The following KIFAP3 variants were observed in gnomAD, a reference collection of about 807,000 sequenced individuals.
KIFAP3 encodes the protein kinesin-associated protein 3.
A neutral mutation model predicts 106.5 loss-of-function variants in KIFAP3; 68 were observed. The ratio of observed to expected loss-of-function variants is 0.64; its 90% CI spans 0.53 to 0.78. KIFAP3 has a LOEUF of 0.78. Among genes scored for constraint, KIFAP3 ranks in the 30% least tolerant of loss-of-function variants. The pLI, the probability that KIFAP3 is intolerant of heterozygous loss-of-function variation, is 0.00. For missense variants in KIFAP3, 780 were observed against 941.8 expected, an observed-to-expected ratio of 0.83 and a Z score of 2.25; for synonymous variants, 320 against 311.5, an observed-to-expected ratio of 1.03 and a Z score of -0.29.
At chr1:169,995,821 T>C (rs1667342229) in intron 10 of KIFAP3, among the ~76,000 whole-genome samples, 1 of 151,964 alleles carries the variant, frequency 6.6e-6, no homozygotes, top group Non-Finnish European at 1.5e-5. Flanking sequence ...AAGAAATTCC[T>C]GAACATTGGG....
At chr1:170,076,238 C>T (rs1671907075), upstream of KIFAP3, among the ~76,000 whole-genome samples, 1 of 151,770 alleles carries the variant, frequency 6.6e-6, no homozygotes. Context: ...ACAAAAAAAC[C>T]TAAAGAAAAT....
At chr1:170,031,785 C>T (rs1669423983) in intron 8 of KIFAP3, 101 bp downstream of exon 8, 1 of 675,728 alleles carries the variant, frequency 1.5e-6, no homozygotes, top group South Asian at 2.4e-5. Context: ...GAACTTTCAG[C>T]TATTCTCACA....
chr1:170,017,505 A>G (rs569104858), intron 9 of KIFAP3, among the ~76,000 whole-genome samples: 10 of 152,188 alleles, frequency 6.6e-5, no homozygotes, highest in Non-Finnish European at 1.0e-4. Context: ...TTTAGGAATA[A>G]AAGAGCCTGT....
At chr1:170,030,098 T>C (rs1336486520) in intron 8 of KIFAP3, among the ~76,000 whole-genome samples, 1 of 151,846 alleles carries the variant, frequency 6.6e-6, no homozygotes, top group African/African-American at 2.4e-5. Context: ...ACCAAAACCA[T>C]GATCCAAAAA....
intron 19 of KIFAP3, among the ~76,000 whole-genome samples, chr1:169,934,051 T>G (rs1663647965): frequency 1.3e-5 from 2 of 152,174 alleles, no homozygotes; most frequent in East Asian, 3.8e-4. Context: ...TTTGGTGGTG[T>G]TATTGTTATG....
intron 19 of KIFAP3, 113 bp from the exon 20 acceptor site, chr1:169,921,894 G>C: frequency 1.4e-6 from 1 of 712,802 alleles, no homozygotes; most frequent in Non-Finnish European, 2.3e-6. Flanking sequence ...CAGGGATAGT[G>C]ATTTAGGTGG....
intron 1 of KIFAP3, chr1:170,067,662 A>G (rs74585450): frequency 1.3e-5 from 2 of 152,224 alleles, no homozygotes; most frequent in Non-Finnish European, 2.9e-5. Flanking sequence ...CTTTGAGGTC[A>G]GCTGCAAGGG....
At chr1:170,072,577 T>C (rs866259053) in intron 1 of KIFAP3, among the ~76,000 whole-genome samples, 3 of 152,004 alleles carry the variant, frequency 2.0e-5, no homozygotes, top group Non-Finnish European at 4.4e-5. Context: ...CCAAAACACA[T>C]AGAGATTCAA....
chr1:169,953,936 G>A, intron 19 of KIFAP3, 75 bp downstream of exon 19: 1 of 935,704 alleles, frequency 1.1e-6, no homozygotes, highest in South Asian at 1.3e-5. Flanking sequence ...GAAGAGAAAT[G>A]GAGAGTGAAG....
At chr1:169,980,876 C>A (rs1028772054) in intron 15 of KIFAP3, among the ~76,000 whole-genome samples, 3 of 152,024 alleles carry the variant, frequency 2.0e-5, no homozygotes, top group Admixed American at 6.6e-5. Flanking sequence ...CCGAGGTGGG[C>A]GGATCACCTG....
At chr1:170,036,920 C>T (rs532214241) in intron 5 of KIFAP3, among the ~76,000 whole-genome samples, 32 of 152,264 alleles carry the variant, frequency 2.1e-4, no homozygotes, top group African/African-American at 6.7e-4. Flanking sequence ...ACATTGAATG[C>T]AATCATAATC....
chr1:170,002,827 C>A (rs1466200158), intron 10 of KIFAP3, among the ~76,000 whole-genome samples: 1 of 152,180 alleles, frequency 6.6e-6, no homozygotes, highest in East Asian at 1.9e-4. Context: ...TTAGCAACAT[C>A]TATTGGTAAC....
intron 3 of KIFAP3, among the ~76,000 whole-genome samples, chr1:170,040,342 C>T (rs1669905501): frequency 6.6e-6 from 1 of 152,022 alleles, no homozygotes; most frequent in Admixed American, 6.6e-5. Context: ...ATATACATTT[C>T]CTAAAGCATT....
intron 10 of KIFAP3, among the ~76,000 whole-genome samples, chr1:169,998,393 T>TACAC (rs1490763807): frequency 4.6e-5 from 5 of 108,808 alleles, no homozygotes; most frequent in East Asian, 2.3e-4. Flanking sequence ...TATATATATA[T>TACAC]ATATATACAC....
At chr1:170,004,035 C>A (rs1182661668) in intron 10 of KIFAP3, among the ~76,000 whole-genome samples, 2 of 152,038 alleles carry the variant, frequency 1.3e-5, no homozygotes, top group Non-Finnish European at 2.9e-5. Flanking sequence ...AATCAATGTG[C>A]AAAAATCACA....
At chr1:170,012,056 C>G (rs549304642) in intron 10 of KIFAP3, among the ~76,000 whole-genome samples, 44 of 152,050 alleles carry the variant, frequency 2.9e-4, no homozygotes, top group Non-Finnish European at 5.1e-4. Flanking sequence ...GAATAGAACC[C>G]TTGGGGAACT....
chr1:169,947,498 T>G (rs1664500454), intron 19 of KIFAP3, among the ~76,000 whole-genome samples: 1 of 151,920 alleles, frequency 6.6e-6, no homozygotes, highest in Admixed American at 6.6e-5. Context: ...CTTATGCAAA[T>G]GTGCATGTCA....
intron 19 of KIFAP3, among the ~76,000 whole-genome samples, chr1:169,943,855 G>A (rs1664272475): frequency 6.6e-6 from 1 of 152,104 alleles, no homozygotes; most frequent in African/African-American, 2.4e-5. Flanking sequence ...CAACTGGATT[G>A]GCTTCTGTGT....
intron 7 of KIFAP3, 21 bp from the exon 8 acceptor site, chr1:170,032,005 C>A (rs1336844708): frequency 7.0e-7 from 1 of 1,422,420 alleles, no homozygotes; most frequent in South Asian, 1.2e-5. Flanking sequence ...TGTTAAGGAT[C>A]ATCCATACTC....
Sources: gnomAD v4.1 joint callset for allele counts (sites outside exome capture counted in the v4.1 genomes callset) on GRCh38, gnomAD v4.1.1 for gene constraint, MANE v1.5 for transcripts, NCBI Gene and HGNC (gene_info 2026-07-23, HGNC 2026-07-21) for gene names.